The following ZNF804A variants were observed in gnomAD, a reference collection of about 807,000 sequenced individuals.
ZNF804A encodes zinc finger protein 804A.
In ZNF804A, 2 loss-of-function variants were observed where a neutral mutation model predicts 16.5. That is an observed-to-expected ratio of 0.12 (90% CI 0.05 to 0.38). The LOEUF (loss-of-function observed/expected upper bound fraction) is 0.38. ZNF804A is among the 10% of genes least tolerant of loss of function. ZNF804A has a pLI of 0.99. For synonymous variants in ZNF804A, 534 were observed against 489.6 expected (o/e 1.09, Z -1.20); for missense variants, 1,473 against 1,390.7 (o/e 1.06, Z -0.94).
intron 2 of ZNF804A, among the ~76,000 whole-genome samples, chr2:184,879,889 G>T (rs189362809): frequency 1.9e-4 from 29 of 152,152 alleles, no homozygotes; most frequent in African/African-American, 6.7e-4. Context: ...TAACATTCTT[G>T]TGGTTCTGAG....
chr2:184,617,295 C>T (rs1452394474), intron 1 of ZNF804A, among the ~76,000 whole-genome samples: 1 of 151,816 alleles, frequency 6.6e-6, no homozygotes, highest in Non-Finnish European at 1.5e-5. Context: ...GCTTTAATGT[C>T]TTAGTTTATG....
intron 1 of ZNF804A, among the ~76,000 whole-genome samples, chr2:184,768,279 A>G (rs1357911123): frequency 6.6e-6 from 1 of 152,084 alleles, no homozygotes; most frequent in African/African-American, 2.4e-5. Flanking sequence ...TAAGGGACTT[A>G]GCATCCTTGA....
chr2:184,694,561 A>G (rs1692789331), intron 1 of ZNF804A, among the ~76,000 whole-genome samples: 1 of 152,210 alleles, frequency 6.6e-6, no homozygotes, highest in African/African-American at 2.4e-5. Flanking sequence ...AAATAACCTA[A>G]GAGTATATAA....
At chr2:184,810,662 T>C (rs2105786488) in intron 1 of ZNF804A, among the ~76,000 whole-genome samples, 1 of 152,112 alleles carries the variant, frequency 6.6e-6, no homozygotes, top group Non-Finnish European at 1.5e-5. Flanking sequence ...GGCTAATTTT[T>C]TGTATTTTTA....
chr2:184,634,584 G>A (rs953633726), intron 1 of ZNF804A, among the ~76,000 whole-genome samples: 4 of 152,056 alleles, frequency 2.6e-5, no homozygotes, highest in Non-Finnish European at 5.9e-5. Context: ...AAAAGGAAAA[G>A]GGAGAGAGAG....
At chr2:184,904,391 G>C (rs145222336) in intron 2 of ZNF804A, among the ~76,000 whole-genome samples, 1 of 152,076 alleles carries the variant, frequency 6.6e-6, no homozygotes, top group Non-Finnish European at 1.5e-5. Context: ...GTCCCATACT[G>C]TCAACCATTG....
chr2:184,843,375 G>A (rs914342875), intron 1 of ZNF804A, among the ~76,000 whole-genome samples: 6 of 151,966 alleles, frequency 3.9e-5, no homozygotes, highest in African/African-American at 1.5e-4. Context: ...CGATTCTCCT[G>A]CCTCAGCCTC....
Position 184,636,759 on chromosome 2 carries a change from C to G in ZNF804A, c.111+37689C>G, listed in dbSNP as rs531094034. ...ATGAACCTACATTGACAATCACTATCACCCAGAGATTATAGTTTACATTAT... is the reference window on the plus strand; with the variant it reads ...ATGAACCTACATTGACAATCACTATGACCCAGAGATTATAGTTTACATTAT... On this transcript the variant is annotated intron_variant, in intron 1 of 3. Coordinates refer to ENST00000302277, the MANE Select transcript of ZNF804A (RefSeq NM_194250.2). 3.9e-5 allele frequency among the ~76,000 whole-genome samples: 6 copies of G among 152,154 alleles called. No individual in the cohort carries two copies. The East Asian group carries it at 1.2e-3, about 29-fold the overall frequency.
At chr2:184,742,537 G>T (rs1177813641) in intron 1 of ZNF804A, among the ~76,000 whole-genome samples, 1 of 151,656 alleles carries the variant, frequency 6.6e-6, no homozygotes, top group Admixed American at 6.6e-5. Context: ...ATATTGTATG[G>T]CACTTAGATA....
intron 1 of ZNF804A, among the ~76,000 whole-genome samples, chr2:184,804,560 T>C (rs1694774601): frequency 6.6e-6 from 1 of 152,158 alleles, no homozygotes; most frequent in Non-Finnish European, 1.5e-5. Context: ...CATATGCACA[T>C]TGTAGTTTGA....
intron 1 of ZNF804A, among the ~76,000 whole-genome samples, chr2:184,822,713 T>A (rs912308037): frequency 2.0e-5 from 3 of 152,106 alleles, no homozygotes; most frequent in Non-Finnish European, 4.4e-5. Flanking sequence ...TTCCATTTTG[T>A]TGAATTTAAA....
At chr2:184,616,454 A>G (rs1026018910) in intron 1 of ZNF804A, among the ~76,000 whole-genome samples, 2 of 152,204 alleles carry the variant, frequency 1.3e-5, no homozygotes, top group African/African-American at 4.8e-5. Context: ...ATTAAATAAT[A>G]TAAGGGAAGT....
At chr2:184,836,696 TA>T (rs199936957) in intron 1 of ZNF804A, among the ~76,000 whole-genome samples, 2,887 of 148,118 alleles carry the variant, frequency 0.019, 90 homozygotes, top group African/African-American at 0.067. Context: ...TATATATATA[TA>T]TTTTTTTTTT....
At chr2:184,831,684 T>G (rs942392282) in intron 1 of ZNF804A, among the ~76,000 whole-genome samples, 7 of 151,818 alleles carry the variant, frequency 4.6e-5, no homozygotes, top group African/African-American at 1.7e-4. Flanking sequence ...GTTGAATTAA[T>G]CACTCACATC....
At chr2:184,818,033 A>C (rs1438703260) in intron 1 of ZNF804A, among the ~76,000 whole-genome samples, 1 of 152,038 alleles carries the variant, frequency 6.6e-6, no homozygotes, top group Non-Finnish European at 1.5e-5. Context: ...ACAGGCCATC[A>C]TTCAAATTCA....
chr2:184,666,086 CA>C (rs1692249938), intron 1 of ZNF804A, among the ~76,000 whole-genome samples: 1 of 152,060 alleles, frequency 6.6e-6, no homozygotes, highest in African/African-American at 2.4e-5. Context: ...TTATGGTAAC[CA>C]AAATTCTGAG....
chr2:184,771,917 A>G (rs1238291536), intron 1 of ZNF804A, among the ~76,000 whole-genome samples: 2 of 152,054 alleles, frequency 1.3e-5, no homozygotes, highest in Non-Finnish European at 1.5e-5. Context: ...GTCGTATCCT[A>G]TCACCTTTGT....
At chr2:184,712,859 T>A (rs1693151254) in intron 1 of ZNF804A, among the ~76,000 whole-genome samples, 1 of 151,770 alleles carries the variant, frequency 6.6e-6, no homozygotes, top group Non-Finnish European at 1.5e-5. Context: ...TCTCTTTGCT[T>A]CTTTGCATAG....
intron 1 of ZNF804A, among the ~76,000 whole-genome samples, chr2:184,720,986 C>T (rs1693303125): frequency 6.6e-6 from 1 of 152,132 alleles, no homozygotes; most frequent in Admixed American, 6.6e-5. Context: ...CAAGAACATA[C>T]ACTGAGGATA....
Sources: gnomAD v4.1 joint callset for allele counts (sites outside exome capture counted in the v4.1 genomes callset) on GRCh38, gnomAD v4.1.1 for gene constraint, MANE v1.5 for transcripts, NCBI Gene and HGNC (gene_info 2026-07-23, HGNC 2026-07-21) for gene names.